EDIL3: variants seen among roughly 807,000 people sequenced by gnomAD.
EDIL3 encodes EGF-like repeat and discoidin I-like domain-containing protein 3.
Under a neutral mutation model 67.4 loss-of-function variants are expected in EDIL3, and 37 were observed. The ratio of observed to expected loss-of-function variants is 0.55; its 90% CI spans 0.42 to 0.72. The LOEUF is 0.72. EDIL3 is among the 30% of genes least tolerant of loss of function. The pLI is 0.00. For synonymous variants in EDIL3, 195 were observed against 196.3 expected (o/e 0.99, Z 0.05); for missense variants, 527 against 586.3 (o/e 0.90, Z 1.04).
intron 1 of EDIL3, among the ~76,000 whole-genome samples, chr5:84,340,503 A>ACTCTCTCTCTCTCTCTCTCTCTCT (rs1170972212): frequency 5.2e-5 from 2 of 38,700 alleles, no homozygotes; most frequent in East Asian, 1.4e-3. Context: ...AGGGAAGATT[A>ACTCTCTCTCTCTCTCTCTCTCTCT]CTCTCTCTCT....
intron 5 of EDIL3, among the ~76,000 whole-genome samples, chr5:84,114,729 T>C (rs529069685): frequency 1.3e-5 from 2 of 152,330 alleles, no homozygotes; most frequent in East Asian, 3.9e-4. Context: ...TTTCTTCCTA[T>C]CAGATGGGCA....
chr5:84,184,651 T>C (rs567793080), intron 3 of EDIL3, among the ~76,000 whole-genome samples: 1 of 152,272 alleles, frequency 6.6e-6, no homozygotes, highest in South Asian at 2.1e-4. Flanking sequence ...TTGCTGCATG[T>C]GATGCCCAAG....
At chr5:84,308,793 A>G (rs1333304392) in intron 1 of EDIL3, among the ~76,000 whole-genome samples, 1 of 152,202 alleles carries the variant, frequency 6.6e-6, no homozygotes, top group Admixed American at 6.5e-5. Context: ...GGTCTGATAC[A>G]TATTTGATTG....
chr5:84,246,799 A>G (rs958492515), intron 2 of EDIL3, among the ~76,000 whole-genome samples: 3 of 152,300 alleles, frequency 2.0e-5, no homozygotes, highest in Non-Finnish European at 4.4e-5. Context: ...AAACTAACAA[A>G]TTCTAATCAT....
intron 9 of EDIL3, among the ~76,000 whole-genome samples, chr5:83,996,452 A>C (rs894193620): frequency 6.6e-6 from 1 of 152,244 alleles, no homozygotes; most frequent in South Asian, 2.1e-4. Flanking sequence ...TGTATTCTCA[A>C]ATTAAGAGCC....
intron 5 of EDIL3, among the ~76,000 whole-genome samples, chr5:84,115,646 T>G (rs1332395319): frequency 2.0e-5 from 3 of 152,214 alleles, no homozygotes; most frequent in Non-Finnish European, 4.4e-5. Flanking sequence ...TTGCTTAAGA[T>G]GTATTCTTTT....
At chr5:83,963,502 G>A (rs888163886) in intron 9 of EDIL3, 142 bp from the exon 10 acceptor site, 7 of 966,474 alleles carry the variant, frequency 7.2e-6, no homozygotes, top group Non-Finnish European at 1.0e-5. Context: ...ACCAATGACT[G>A]AGTCTATTAT....
chr5:84,019,403 G>A (rs1410420212), intron 9 of EDIL3, among the ~76,000 whole-genome samples: 1 of 151,798 alleles, frequency 6.6e-6, no homozygotes, highest in African/African-American at 2.4e-5. Flanking sequence ...TGGGGTGGGG[G>A]GAGTGGGGAG....
intron 9 of EDIL3, among the ~76,000 whole-genome samples, chr5:83,971,561 TG>T (rs936232159): frequency 2.2e-4 from 33 of 152,204 alleles, no homozygotes; most frequent in African/African-American, 7.7e-4. Flanking sequence ...GAAATTTGGT[TG>T]TTTTTTTTAT....
intron 9 of EDIL3, among the ~76,000 whole-genome samples, chr5:83,990,879 CAATAAATA>C (rs200045595): frequency 0.36 from 50,049 of 140,048 alleles, 8,867 homozygotes; most frequent in East Asian, 0.43. Context: ...GACTCTGTCT[CAATAAATA>C]AATAAATAAA....
At chr5:84,049,731 A>G (rs1303624499) in intron 9 of EDIL3, among the ~76,000 whole-genome samples, 1 of 150,026 alleles carries the variant, frequency 6.7e-6, no homozygotes, top group Admixed American at 6.6e-5. Context: ...TCAAAGTATT[A>G]GTTGAATTTT....
At chr5:84,065,336 C>G (rs1184336451) in intron 7 of EDIL3, among the ~76,000 whole-genome samples, 1 of 152,070 alleles carries the variant, frequency 6.6e-6, no homozygotes, top group East Asian at 1.9e-4. Flanking sequence ...TCAACCAGTC[C>G]CATGTACTTG....
intron 4 of EDIL3, among the ~76,000 whole-genome samples, chr5:84,176,204 T>TATATATATATATATATATATATA (rs1748905984): frequency 1.5e-4 from 3 of 20,218 alleles, no homozygotes; most frequent in African/African-American, 5.1e-4. Flanking sequence ...ATATAATATA[T>TATATATATATATATATATATATA]ATATATATAT....
At chr5:84,315,442 G>T (rs1459568967) in intron 1 of EDIL3, among the ~76,000 whole-genome samples, 2 of 152,102 alleles carry the variant, frequency 1.3e-5, no homozygotes, top group Admixed American at 6.6e-5. Context: ...TACAAATCCA[G>T]TGGTTGTTTC....
intron 2 of EDIL3, among the ~76,000 whole-genome samples, chr5:84,244,091 CT>C (rs150137213): frequency 0.016 from 2,445 of 152,248 alleles, 66 homozygotes; most frequent in African/African-American, 0.056. Flanking sequence ...CTACTTTAAG[CT>C]CTTTAACAAA....
intron 1 of EDIL3, among the ~76,000 whole-genome samples, chr5:84,321,877 AT>A (rs1220140008): frequency 6.6e-6 from 1 of 152,016 alleles, no homozygotes; most frequent in Non-Finnish European, 1.5e-5. Context: ...TATTTTTCCC[AT>A]TTTTGCAGCA....
intron 3 of EDIL3, among the ~76,000 whole-genome samples, chr5:84,185,736 T>C (rs1216453991): frequency 6.6e-6 from 1 of 152,144 alleles, no homozygotes; most frequent in Non-Finnish European, 1.5e-5. Context: ...CAATGTGTTT[T>C]GTCTCTAATA....
chr5:84,351,739 A>G (rs922537111), intron 1 of EDIL3, among the ~76,000 whole-genome samples: 1 of 152,172 alleles, frequency 6.6e-6, no homozygotes, highest in Non-Finnish European at 1.5e-5. Context: ...TAAAACATTA[A>G]ATAATTTAGT....
chr5:84,073,066 T>C (rs1157112589), intron 6 of EDIL3, among the ~76,000 whole-genome samples: 1 of 152,088 alleles, frequency 6.6e-6, no homozygotes, highest in Non-Finnish European at 1.5e-5. Context: ...TTCTTCTTCT[T>C]AAAAAGTAAA....
Sources: gnomAD v4.1 joint callset for allele counts (sites outside exome capture counted in the v4.1 genomes callset) on GRCh38, gnomAD v4.1.1 for gene constraint, MANE v1.5 for transcripts, NCBI Gene and HGNC (gene_info 2026-07-23, HGNC 2026-07-21) for gene names.